RAB28: variants seen among roughly 807,000 people sequenced by gnomAD.
RAB28 encodes RAB28, member RAS oncogene family.
Under a neutral mutation model 31.7 loss-of-function variants are expected in RAB28, and 24 were observed. The observed-to-expected ratio is 0.76, with a 90% CI of 0.55 to 1.06. The LOEUF is 1.06. Among genes scored for constraint, RAB28 ranks in the 50% least tolerant of loss-of-function variants. The pLI is 0.00. For missense variants in RAB28, 254 were observed against 258.5 expected (o/e 0.98, Z 0.12); for synonymous variants, 100 against 90.4 (o/e 1.11, Z -0.60).
chr4:13,420,694 C>G (rs1425830495), intron 4 of RAB28, among the ~76,000 whole-genome samples: 1 of 152,132 alleles, frequency 6.6e-6, no homozygotes, highest in East Asian at 1.9e-4. Context: ...AAGGCCTTGA[C>G]AGAATTCAAC....
chr4:13,450,836 G>A (rs1337817911), intron 4 of RAB28, among the ~76,000 whole-genome samples: 1 of 151,642 alleles, frequency 6.6e-6, no homozygotes, highest in African/African-American at 2.4e-5. Context: ...GAAATTCTAA[G>A]TATGATACAA....
chr4:13,449,487 T>G (rs2108949559), intron 4 of RAB28, among the ~76,000 whole-genome samples: 1 of 152,108 alleles, frequency 6.6e-6, no homozygotes, highest in African/African-American at 2.4e-5. Context: ...ACATTTTCAC[T>G]GAGTTCAGGG....
chr4:13,475,027 G>A (rs1427826104), intron 2 of RAB28, among the ~76,000 whole-genome samples: 13 of 151,560 alleles, frequency 8.6e-5, no homozygotes, highest in Admixed American at 8.6e-4. Flanking sequence ...ACAAACGTAG[G>A]ATACATACCA....
At chr4:13,377,045 T>C (rs918933663) in intron 5 of RAB28, among the ~76,000 whole-genome samples, 2 of 152,178 alleles carry the variant, frequency 1.3e-5, no homozygotes, top group African/African-American at 4.8e-5. Flanking sequence ...TTGGCCTATC[T>C]CAAAAGGTCT....
chr4:13,423,441 C>G (rs182257610), intron 4 of RAB28, among the ~76,000 whole-genome samples: 44 of 149,268 alleles, frequency 2.9e-4, no homozygotes, highest in Admixed American at 2.6e-3. Flanking sequence ...GGAGGCTGCA[C>G]GCCATTTCAC....
At chr4:13,460,053 G>C (rs1190761851) in intron 4 of RAB28, 1 of 430,192 alleles carries the variant, frequency 2.3e-6, no homozygotes, top group Non-Finnish European at 4.0e-6. Context: ...ACACTCTTAG[G>C]AATTTTCTAC....
At position 13,479,516 on chromosome 4, in the gene RAB28, G is replaced by C. The variant is rs570868513; in HGVS notation, c.86C>G (p.Thr29Ser). 2.5e-6 allele frequency: 4 copies of C among 1,598,382 alleles called. No individual in the cohort carries two copies. In the Admixed American group the frequency reaches 5.0e-5, roughly 20 times the overall value. The change falls in exon 2 of 7, where the codon ACT (threonine) becomes AGT (serine). Residue 29 changes from threonine (T) to serine (S), a missense_variant. Transcript: ENST00000330852. ...AAAAGTTTCTTGAGCAAAACACGTA[G>C]TTAAGGAGGTCTAAAAAATTGATGC... ...GDGASGKTSL[T>S]TCFAQETFGK...
chr4:13,446,891 A>G (rs1714725827), intron 4 of RAB28, among the ~76,000 whole-genome samples: 1 of 152,104 alleles, frequency 6.6e-6, no homozygotes, highest in Admixed American at 6.5e-5. Context: ...TATGCTTAAT[A>G]AGCACCTCAC....
chr4:13,400,437 T>C (rs190470375), intron 4 of RAB28, among the ~76,000 whole-genome samples: 7 of 152,320 alleles, frequency 4.6e-5, no homozygotes, highest in Admixed American at 2.0e-4. Flanking sequence ...CTTTATAATA[T>C]TGAGTCTTTG....
rs1178077616 is a variant in RAB28, at chr4:13,369,959, C to T, written c.574-1309G>A. On this transcript the variant is annotated intron_variant, in intron 6 of 6. Coordinates refer to ENST00000330852, the MANE Select transcript of RAB28 (RefSeq NM_001017979.3). ...GGGTACTTCACTATTTCTGCCCTGACAATACGCTGTCAATTCCATACAACA... is the reference window on the plus strand; with the variant it reads ...GGGTACTTCACTATTTCTGCCCTGATAATACGCTGTCAATTCCATACAACA... The T allele has an allele frequency of 1.9e-6, 3 of 1,607,976 alleles. No individual in the cohort carries two copies. Among genetic ancestry groups the T allele is most frequent in the East Asian group, 2.2e-5 (1 of 44,668 alleles).
intron 4 of RAB28, among the ~76,000 whole-genome samples, chr4:13,421,756 T>C (rs1713160194): frequency 1.3e-5 from 2 of 152,170 alleles, no homozygotes; most frequent in South Asian, 4.1e-4. Flanking sequence ...TAATTCAAGA[T>C]GGATTATAGA....
At chr4:13,457,899 A>C (rs1224311842) in intron 4 of RAB28, among the ~76,000 whole-genome samples, 1 of 152,204 alleles carries the variant, frequency 6.6e-6, no homozygotes, top group Non-Finnish European at 1.5e-5. Context: ...AAATTAAAAC[A>C]AATCATAACG....
At chr4:13,394,421 C>T (rs567999061) in intron 4 of RAB28, among the ~76,000 whole-genome samples, 3 of 152,152 alleles carry the variant, frequency 2.0e-5, no homozygotes, top group Admixed American at 1.3e-4. Flanking sequence ...TCTAATGCTG[C>T]TGCTGATCTG....
chr4:13,464,226 C>G (rs1379652231), intron 3 of RAB28, among the ~76,000 whole-genome samples: 2 of 152,016 alleles, frequency 1.3e-5, no homozygotes, highest in Admixed American at 1.3e-4. Context: ...AGATATCCCA[C>G]CAGATTATCA....
intron 4 of RAB28, among the ~76,000 whole-genome samples, chr4:13,455,399 G>C (rs1023342724): frequency 9.9e-5 from 15 of 152,190 alleles, no homozygotes; most frequent in African/African-American, 3.6e-4. Flanking sequence ...GTGGGGACTG[G>C]TTCCCCTGCT....
At chr4:13,446,787 T>G (rs1714721189) in intron 4 of RAB28, among the ~76,000 whole-genome samples, 2 of 152,104 alleles carry the variant, frequency 1.3e-5, no homozygotes, top group East Asian at 3.9e-4. Context: ...GGACCCTGTT[T>G]CTACTCGGTC....
intron 4 of RAB28, among the ~76,000 whole-genome samples, chr4:13,440,215 T>G (rs1171644102): frequency 6.6e-6 from 1 of 152,190 alleles, no homozygotes; most frequent in Non-Finnish European, 1.5e-5. Flanking sequence ...ATATTTCATA[T>G]GCTTCATATT....
At chr4:13,446,262 C>CA (rs1325993265) in intron 4 of RAB28, among the ~76,000 whole-genome samples, 5 of 152,194 alleles carry the variant, frequency 3.3e-5, no homozygotes, top group Admixed American at 6.5e-5. Context: ...GCTGTGCTGG[C>CA]AGTGGGAATT....
intron 3 of RAB28, among the ~76,000 whole-genome samples, chr4:13,466,997 G>A (rs1003612930): frequency 6.6e-6 from 1 of 151,946 alleles, no homozygotes; most frequent in African/African-American, 2.4e-5. Context: ...GAAGTAGGGA[G>A]TAGACTGGTG....
Sources: allele counts gnomAD v4.1 joint callset (sites outside exome capture counted in the v4.1 genomes callset), GRCh38; gene constraint gnomAD v4.1.1; transcripts MANE v1.5; gene names NCBI Gene and HGNC (gene_info 2026-07-23, HGNC 2026-07-21).